Variants in CSMD1 observed in about 807,000 individuals in gnomAD.
CSMD1 encodes CUB and Sushi multiple domains 1, also known as CUB and sushi domain-containing protein 1.
Under a neutral mutation model 417.5 loss-of-function variants are expected in CSMD1, and 213 were observed. The ratio of observed to expected loss-of-function variants is 0.51; its 90% CI spans 0.46 to 0.57. The LOEUF (loss-of-function observed/expected upper bound fraction) is 0.57. Ranked by LOEUF, CSMD1 falls within the 20% of genes least tolerant of loss-of-function variation. CSMD1 has a pLI of 0.00. For synonymous variants in CSMD1, 2,862 were observed against 1,736.8 expected (o/e 1.65, Z -16.11); for missense variants, 6,923 against 4,529.7 (o/e 1.53, Z -15.17).
At chr8:4,534,856 G>A (rs981773102) in intron 2 of CSMD1, among the ~76,000 whole-genome samples, 8 of 152,104 alleles carry the variant, frequency 5.3e-5, no homozygotes, top group South Asian at 2.1e-4. Flanking sequence ...TCCGCCTCCC[G>A]GGTTCATGTC....
intron 1 of CSMD1, among the ~76,000 whole-genome samples, chr8:4,964,640 A>AAT (rs1809734127): frequency 6.6e-6 from 1 of 151,756 alleles, no homozygotes; most frequent in African/African-American, 2.4e-5. Context: ...CCAAAAATAC[A>AAT]TTTTTCTAAC....
chr8:3,790,829 G>C (rs1190115752), intron 5 of CSMD1, among the ~76,000 whole-genome samples: 5 of 152,268 alleles, frequency 3.3e-5, no homozygotes, highest in South Asian at 2.1e-4. Flanking sequence ...GGAGATGTCA[G>C]AGCCCTGAGT....
intron 6 of CSMD1, among the ~76,000 whole-genome samples, chr8:3,733,859 A>G (rs1233804011): frequency 6.6e-6 from 1 of 152,174 alleles, no homozygotes; most frequent in African/African-American, 2.4e-5. Context: ...TGCCCCGTTT[A>G]TAAATTAAAC....
intron 1 of CSMD1, among the ~76,000 whole-genome samples, chr8:4,682,570 A>T (rs1347507599): frequency 6.6e-6 from 1 of 152,138 alleles, no homozygotes; most frequent in Non-Finnish European, 1.5e-5. Context: ...AACAGATAAG[A>T]TAATACATAA....
intron 2 of CSMD1, among the ~76,000 whole-genome samples, chr8:4,456,034 C>G (rs1228471951): frequency 8.2e-6 from 1 of 121,770 alleles, no homozygotes; most frequent in South Asian, 3.0e-4. Flanking sequence ...TTCTCCTCTT[C>G]AAGTTCTTCA....
intron 23 of CSMD1, among the ~76,000 whole-genome samples, chr8:3,334,294 T>C (rs1807099675): frequency 1.3e-5 from 2 of 152,196 alleles, no homozygotes; most frequent in African/African-American, 4.8e-5. Context: ...TTTCCAGTAA[T>C]TGATTGCATT....
At chr8:3,761,778 T>G (rs1169760575) in intron 5 of CSMD1, among the ~76,000 whole-genome samples, 2 of 152,146 alleles carry the variant, frequency 1.3e-5, no homozygotes, top group Non-Finnish European at 2.9e-5. Flanking sequence ...AGTGCTAGGA[T>G]TACAGGCTTG....
At chr8:3,289,321 T>C (rs1803381477) in intron 25 of CSMD1, among the ~76,000 whole-genome samples, 1 of 147,432 alleles carries the variant, frequency 6.8e-6, no homozygotes, top group African/African-American at 2.7e-5. Flanking sequence ...GCATGATTTA[T>C]AATCCTTTGG....
At chr8:4,366,348 G>A (rs1293394312) in intron 3 of CSMD1, among the ~76,000 whole-genome samples, 2 of 151,984 alleles carry the variant, frequency 1.3e-5, no homozygotes, top group African/African-American at 4.8e-5. Flanking sequence ...CATCGTGGCT[G>A]ATTCCACGTG....
intron 3 of CSMD1, among the ~76,000 whole-genome samples, chr8:4,051,818 TTC>T (rs1585210319): frequency 6.6e-6 from 1 of 150,810 alleles, no homozygotes; most frequent in African/African-American, 2.4e-5. Context: ...GACAGTTTTC[TTC>T]TCTTTCTTCT....
chr8:3,389,367 G>T (rs1350762364), intron 17 of CSMD1, among the ~76,000 whole-genome samples: 2 of 152,046 alleles, frequency 1.3e-5, no homozygotes, highest in South Asian at 4.1e-4. Flanking sequence ...AACATGCGGC[G>T]TTTGGTTGCC....
intron 5 of CSMD1, among the ~76,000 whole-genome samples, chr8:3,887,202 T>C (rs532057048): frequency 2.0e-4 from 30 of 152,224 alleles, no homozygotes; most frequent in Middle Eastern, 3.4e-3. Context: ...CCAGAGGCAA[T>C]CAGCGTCAAC....
chr8:3,090,086 G>A (rs113340076), intron 48 of CSMD1, among the ~76,000 whole-genome samples: 15 of 151,974 alleles, frequency 9.9e-5, no homozygotes, highest in South Asian at 2.1e-4. Context: ...AGGCCGAGGC[G>A]GCCGGATCAC....
intron 5 of CSMD1, among the ~76,000 whole-genome samples, chr8:3,777,220 C>T (rs1330766519): frequency 6.6e-6 from 1 of 151,736 alleles, no homozygotes; most frequent in African/African-American, 2.4e-5. Context: ...TCTGCCTTCT[C>T]CTATAGAACA....
intron 5 of CSMD1, among the ~76,000 whole-genome samples, chr8:3,787,784 T>G (rs1241723339): frequency 6.6e-6 from 1 of 152,214 alleles, no homozygotes; most frequent in East Asian, 1.9e-4. Flanking sequence ...AGCTAGGAAC[T>G]GGCACTTTTT....
chr8:4,774,173 C>A (rs1017186503), intron 1 of CSMD1, among the ~76,000 whole-genome samples: 2 of 152,148 alleles, frequency 1.3e-5, no homozygotes, highest in African/African-American at 4.8e-5. Flanking sequence ...GCCTACCAGC[C>A]TGGGTGACAG....
chr8:3,991,658 AG>A (rs1814760811), intron 5 of CSMD1, among the ~76,000 whole-genome samples: 2 of 152,298 alleles, frequency 1.3e-5, no homozygotes, highest in East Asian at 3.9e-4. Context: ...GTATGCACTA[AG>A]GCAGAAGGTT....
At chr8:3,387,831 G>C in intron 17 of CSMD1, 149 bp from the exon 18 acceptor site, 1 of 634,626 alleles carries the variant, frequency 1.6e-6, no homozygotes, top group Non-Finnish European at 2.7e-6. Context: ...GGACATAAAA[G>C]CCAATGCATC....
At chr8:3,790,793 C>A (rs1345636953) in intron 5 of CSMD1, among the ~76,000 whole-genome samples, 2 of 152,026 alleles carry the variant, frequency 1.3e-5, no homozygotes, top group East Asian at 3.9e-4. Flanking sequence ...GGGGTTTTTG[C>A]AACATTGAGG....
Sources: gnomAD v4.1 joint callset for allele counts (sites outside exome capture counted in the v4.1 genomes callset) on GRCh38, gnomAD v4.1.1 for gene constraint, MANE v1.5 for transcripts, NCBI Gene and HGNC (gene_info 2026-07-23, HGNC 2026-07-21) for gene names.